Variants in CDH13 observed in about 807,000 individuals in gnomAD.
CDH13 encodes the protein cadherin-13.
Under a neutral mutation model 63.8 loss-of-function variants are expected in CDH13, and 24 were observed. That is an observed-to-expected ratio of 0.38 (90% CI 0.27 to 0.53). CDH13 has a LOEUF of 0.53. CDH13 is among the 20% of genes least tolerant of loss of function. The pLI is 0.85. For synonymous variants in CDH13, 503 were observed against 355.3 expected, an observed-to-expected ratio of 1.42 and a Z score of -4.67; for missense variants, 1,049 against 903.1, an observed-to-expected ratio of 1.16 and a Z score of -2.07.
chr16:83,278,298 C>G (rs2089055956), intron 5 of CDH13, among the ~76,000 whole-genome samples: 1 of 152,186 alleles, frequency 6.6e-6, no homozygotes, highest in South Asian at 2.1e-4. Flanking sequence ...TTAAAGTCAT[C>G]TGATTTTCTT....
intron 4 of CDH13, among the ~76,000 whole-genome samples, chr16:83,195,152 T>C (rs889856971): frequency 2.6e-5 from 4 of 152,186 alleles, no homozygotes; most frequent in Non-Finnish European, 5.9e-5. Context: ...ATTCACAGTG[T>C]TTATAATTAA....
chr16:83,565,034 T>C (rs565092635), intron 7 of CDH13, among the ~76,000 whole-genome samples: 1 of 152,316 alleles, frequency 6.6e-6, no homozygotes, highest in East Asian at 1.9e-4. Context: ...TCTCATTTTA[T>C]CTCTTGCTCC....
chr16:83,549,166 C>T lies in CDH13; in HGVS notation c.961-53288C>T, dbSNP rs149817126. Among the ~76,000 whole-genome samples, 1,100 of 152,186 alleles carry T rather than the reference C, an allele frequency of 7.2e-3. 11 individuals carry two copies. Among genetic ancestry groups the T allele is most frequent in the African/African-American group, 0.025 (1,021 of 41,524 alleles). The stretch of plus-strand genomic sequence containing the variant: ...TAACGGAGCTTGGTCCTTGGAGGGC[C>T]TTGTGGGGAAGGACGCAGACAAGCT... On this transcript the variant is annotated intron_variant, in intron 7 of 13. Transcript: ENST00000567109.
chr16:82,982,306 G>T (rs901772989), intron 2 of CDH13, among the ~76,000 whole-genome samples: 3 of 151,874 alleles, frequency 2.0e-5, no homozygotes, highest in Non-Finnish European at 4.4e-5. Context: ...TCTACAAGTT[G>T]ACATTTTCCA....
chr16:83,461,717 G>A (rs531505480), intron 6 of CDH13, among the ~76,000 whole-genome samples: 1 of 152,304 alleles, frequency 6.6e-6, no homozygotes, highest in Admixed American at 6.5e-5. Context: ...TGAATAGAGA[G>A]TTGACAAATC....
chr16:82,899,349 T>C (rs1261181056), intron 2 of CDH13, among the ~76,000 whole-genome samples: 1 of 152,246 alleles, frequency 6.6e-6, no homozygotes, highest in Non-Finnish European at 1.5e-5. Context: ...TAATAATTCA[T>C]TGATCTTAAC....
chr16:82,961,305 C>T (rs963062386), intron 2 of CDH13, among the ~76,000 whole-genome samples: 2 of 152,136 alleles, frequency 1.3e-5, no homozygotes, highest in African/African-American at 4.8e-5. Flanking sequence ...CAGGTGCCCA[C>T]CTCAGAGGCC....
intron 2 of CDH13, among the ~76,000 whole-genome samples, chr16:83,000,374 G>C (rs370241196): frequency 2.7e-5 from 4 of 149,384 alleles, no homozygotes; most frequent in East Asian, 2.0e-4. Context: ...TCAGCCTCGC[G>C]AGTAGCTGGG....
At chr16:82,663,439 C>T (rs990051903) in intron 1 of CDH13, among the ~76,000 whole-genome samples, 1 of 152,130 alleles carries the variant, frequency 6.6e-6, no homozygotes, top group African/African-American at 2.4e-5. Flanking sequence ...CACGCCTCGG[C>T]CTCCCAAAAT....
At chr16:83,355,172 T>G (rs2091028735) in intron 6 of CDH13, among the ~76,000 whole-genome samples, 1 of 152,142 alleles carries the variant, frequency 6.6e-6, no homozygotes, top group South Asian at 2.1e-4. Flanking sequence ...ATTTCAATGT[T>G]CTAGGCATGA....
chr16:83,484,895 G>A (rs1181229020), intron 6 of CDH13, among the ~76,000 whole-genome samples: 2 of 152,204 alleles, frequency 1.3e-5, no homozygotes, highest in African/African-American at 2.4e-5. Flanking sequence ...CTAGACCACT[G>A]TTTGAGAACG....
At chr16:83,333,808 G>A (rs943041700) in intron 5 of CDH13, among the ~76,000 whole-genome samples, 3 of 152,118 alleles carry the variant, frequency 2.0e-5, no homozygotes, top group Non-Finnish European at 4.4e-5. Flanking sequence ...TGTTGTTTCG[G>A]CTTCATTGTT....
chr16:83,469,825 C>T (rs1389738023), intron 6 of CDH13, among the ~76,000 whole-genome samples: 2 of 152,176 alleles, frequency 1.3e-5, no homozygotes, highest in Non-Finnish European at 2.9e-5. Context: ...CCCATCAAAG[C>T]ACATCTCATA....
At chr16:83,611,578 T>C (rs1480936099) in intron 8 of CDH13, among the ~76,000 whole-genome samples, 1 of 152,066 alleles carries the variant, frequency 6.6e-6, no homozygotes, top group Non-Finnish European at 1.5e-5. Flanking sequence ...TCACCATTTA[T>C]TTTTCAAACC....
intron 4 of CDH13, among the ~76,000 whole-genome samples, chr16:83,151,196 C>G (rs2036964627): frequency 6.6e-6 from 1 of 152,086 alleles, no homozygotes; most frequent in African/African-American, 2.4e-5. Context: ...ACTCGAAGGC[C>G]CATCAGAGAG....
chr16:83,700,025 T>A (rs1337494217), intron 10 of CDH13, among the ~76,000 whole-genome samples: 1 of 152,344 alleles, frequency 6.6e-6, no homozygotes, highest in East Asian at 1.9e-4. Flanking sequence ...AGATCGTGCA[T>A]GTGTCTAGCA....
At chr16:82,663,776 G>A (rs769128388) in intron 1 of CDH13, among the ~76,000 whole-genome samples, 18 of 152,198 alleles carry the variant, frequency 1.2e-4, no homozygotes, top group Admixed American at 5.9e-4. Context: ...AAGAACCAAG[G>A]TGGGGTTGGG....
intron 6 of CDH13, among the ~76,000 whole-genome samples, chr16:83,445,233 G>GTTTATAACAGCT (rs760760369): frequency 7.2e-6 from 1 of 139,196 alleles, no homozygotes; most frequent in Non-Finnish European, 1.6e-5. Flanking sequence ...GGCTGCGAGA[G>GTTTATAACAGCT]TTTATAATTT....
chr16:83,474,032 C>T (rs886548587), intron 6 of CDH13, among the ~76,000 whole-genome samples: 1 of 152,254 alleles, frequency 6.6e-6, no homozygotes, highest in Admixed American at 6.5e-5. Context: ...TTTTGTGTGT[C>T]CCTCTGAGCC....
Sources: allele counts gnomAD v4.1 joint callset (sites outside exome capture counted in the v4.1 genomes callset), GRCh38; gene constraint gnomAD v4.1.1; transcripts MANE v1.5; gene names NCBI Gene and HGNC (gene_info 2026-07-23, HGNC 2026-07-21).